The following NOTCH1 variants were observed in gnomAD, a reference collection of about 807,000 sequenced individuals.
NOTCH1 encodes notch receptor 1, also known as neurogenic locus notch homolog protein 1.
NOTCH1 carries 37 observed loss-of-function variants against 254.8 expected under a neutral mutation model. The observed-to-expected ratio is 0.15, with a 90% CI of 0.11 to 0.19. The LOEUF (loss-of-function observed/expected upper bound fraction) is 0.19, where lower values mean the gene tolerates loss of function less well. NOTCH1 is among the 10% of genes least tolerant of loss of function. NOTCH1 has a pLI of 1.00. For synonymous variants in NOTCH1, 1,731 were observed against 1,618.1 expected, an observed-to-expected ratio of 1.07 and a Z score of -1.68; for missense variants, 2,972 against 3,708.6, an observed-to-expected ratio of 0.80 and a Z score of 5.16.
At chr9:136,526,111 C>T (rs371491399) in intron 2 of NOTCH1, among the ~76,000 whole-genome samples, 3 of 152,350 alleles carry the variant, frequency 2.0e-5, no homozygotes, top group East Asian at 3.9e-4. Context: ...GGGGCTGCAG[C>T]GACAGACCTG....
chr9:136,522,215 G>C (rs1391955110), intron 4 of NOTCH1, among the ~76,000 whole-genome samples: 3 of 152,188 alleles, frequency 2.0e-5, no homozygotes, highest in African/African-American at 7.2e-5. Flanking sequence ...CTGACCTTGT[G>C]ATCTGCCCAC....
intron 9 of NOTCH1, 72 bp downstream of exon 9, chr9:136,517,200 C>A: frequency 1.0e-6 from 1 of 984,980 alleles, no homozygotes. Flanking sequence ...GGGGACACAA[C>A]CCACGCCCAG....
intron 2 of NOTCH1, among the ~76,000 whole-genome samples, chr9:136,539,308 G>A (rs188720264): frequency 2.0e-5 from 3 of 152,222 alleles, no homozygotes; most frequent in South Asian, 2.1e-4. Flanking sequence ...CCCAGTCTCC[G>A]CCCCAGGCCT....
Position 136,505,441 on chromosome 9 carries a change from G to T in NOTCH1, c.4455C>A (p.Asp1485Glu). The change falls in exon 25 of 34, where the codon GAC becomes GAA. Residue 1485 changes from aspartate to glutamate, a missense_variant. By Grantham distance (45) the Asp-to-Glu change is conservative. Around this residue, in one of 8 missense-constraint regions of NOTCH1, gnomAD observed 1,343 missense variants for 1,557.0 expected, o/e 0.86. Transcript: ENST00000651671. ...GAGACTGCGTGCAGTTCTTCCAGGGGTCATTGAAGTTGAGGGAGCAGTCAC... is the reference window on the plus strand; with the variant it reads ...GAGACTGCGTGCAGTTCTTCCAGGGTTCATTGAAGTTGAGGGAGCAGTCAC... ...DGGDCSLNFN[D>E]PWKNCTQSLQ... 6.2e-7 allele frequency: 1 copy of T among 1,612,890 alleles called. No individual in the cohort carries two copies. The highest frequency in any genetic ancestry group is 8.5e-7 in the Non-Finnish European group (1 of 1,180,014).
rs117232001 is a variant in NOTCH1, at chr9:136,507,075, C to G, written c.3644-102G>C. The G allele has an allele frequency of 7.5e-4, 1,139 of 1,524,834 alleles. 2 individuals are homozygous for G. Among genetic ancestry groups the G allele is most frequent in the Non-Finnish European group, 7.5e-4 (838 of 1,124,508 alleles). The allele number at this position is 1,524,834 out of a possible 1,614,324, so 94.5% of individuals were successfully genotyped here. On this transcript the variant is annotated intron_variant, in intron 22 of 33. Transcript: ENST00000651671. ...ACGAGCGCTCAGGTCTGGGGCTGCACGGACACTCGGGAGAGGCAGGTGTCA... is the reference window on the plus strand; with the variant it reads ...ACGAGCGCTCAGGTCTGGGGCTGCAGGGACACTCGGGAGAGGCAGGTGTCA...
At position 136,497,444 on chromosome 9, in the gene NOTCH1, C is replaced by T. The variant is rs766745955; in HGVS notation, c.6295G>A (p.Asp2099Asn). ...TGATGCATGCGCTCCTGTGCGATGTCGCGCGGCAGGCGGTCCATATGATCC... is the reference window on the plus strand; with the variant it reads ...TGATGCATGCGCTCCTGTGCGATGTTGCGCGGCAGGCGGTCCATATGATCC... Reference protein sequence around the residue: ...ITDHMDRLPRDIAQERMHHDI... With the variant: ...ITDHMDRLPRNIAQERMHHDI... The change falls in exon 34 of 34, where the codon GAC becomes AAC. Residue 2099 changes from aspartate (D) to asparagine (N), a missense_variant. Asp to Asn is a conservative substitution (Grantham distance 23). Transcript: ENST00000651671. 3.0e-5 allele frequency: 48 copies of T among 1,612,226 alleles called. No individual in the cohort carries two copies. Among genetic ancestry groups the T allele is most frequent in the Admixed American group, 1.5e-4 (9 of 59,998 alleles).
chr9:136,505,103 G>T lies in NOTCH1; in HGVS notation c.4588C>A (p.Pro1530Thr). ...DCQRAEGQCN[P>T]LYDQYCKDHF... ...TCCTTGCAGTACTGGTCGTACAGGG[G>T]GCTGTGGGGGGCGGGACACGCTCAG... is the stretch of plus-strand genomic sequence containing the variant. Residue 1530 changes from proline (P) to threonine (T), a missense_variant and splice_region_variant, in exon 26 of 34, where the codon CCC becomes ACC. Physicochemically the swap from Pro to Thr is conservative, Grantham distance 38. Coordinates refer to ENST00000651671, the MANE Select transcript of NOTCH1 (RefSeq NM_017617.5). 6.2e-7 allele frequency: 1 copy of T among 1,607,938 alleles called. No individual in the cohort carries two copies.
At chr9:136,525,501 C>T (rs1332885391) in intron 2 of NOTCH1, among the ~76,000 whole-genome samples, 1 of 152,240 alleles carries the variant, frequency 6.6e-6, no homozygotes, top group African/African-American at 2.4e-5. Flanking sequence ...AAGGCAGCAG[C>T]CTCACGGCTC....
intron 2 of NOTCH1, among the ~76,000 whole-genome samples, chr9:136,526,499 C>T (rs1424975607): frequency 2.0e-5 from 3 of 152,190 alleles, no homozygotes; most frequent in Non-Finnish European, 4.4e-5. Context: ...GAAAAGCTCA[C>T]CTGCTGGGCA....
intron 4 of NOTCH1, chr9:136,522,574 G>A (rs1421737316): frequency 1.0e-5 from 5 of 486,218 alleles, no homozygotes; most frequent in East Asian, 6.8e-5. Context: ...GCACTGGGGG[G>A]AGGCAGGGCG....
rs906472724 is a variant in NOTCH1, at chr9:136,524,977, T to C, written c.141-998A>G. ...GGGACACCTCAGGCTGAGACTGCAA[T>C]GGGGATGGGACATCTCATGTCAAGA... On this transcript the variant is annotated intron_variant, in intron 2 of 33. Coordinates refer to ENST00000651671, the MANE Select transcript of NOTCH1 (RefSeq NM_017617.5). Among the ~76,000 whole-genome samples, 12 of 152,264 alleles carry C rather than the reference T, an allele frequency of 7.9e-5. No individual in the cohort carries two copies. The East Asian group carries it at 2.3e-3, about 29-fold the overall frequency.
At chr9:136,533,745 GC>G (rs1291263615) in intron 2 of NOTCH1, among the ~76,000 whole-genome samples, 2 of 152,258 alleles carry the variant, frequency 1.3e-5, no homozygotes, top group Admixed American at 6.5e-5. Flanking sequence ...GTGACCATGG[GC>G]CTACAGCAGG....
At chr9:136,533,286 C>T (rs1210042842) in intron 2 of NOTCH1, among the ~76,000 whole-genome samples, 2 of 145,020 alleles carry the variant, frequency 1.4e-5, no homozygotes, top group African/African-American at 5.2e-5. Flanking sequence ...CAGCCCCCTC[C>T]GCGCACCAGC....
chr9:136,534,434 G>C (rs889685888), intron 2 of NOTCH1, among the ~76,000 whole-genome samples: 10 of 152,266 alleles, frequency 6.6e-5, no homozygotes, highest in Admixed American at 6.5e-4. Context: ...AGGTCGGGGC[G>C]TGTCACCAAC....
chr9:136,515,169 C>T (rs749558648), intron 12 of NOTCH1, 121 bp downstream of exon 12: 81 of 877,330 alleles, frequency 9.2e-5, no homozygotes, highest in African/African-American at 7.3e-4. Context: ...CTGCAGACCA[C>T]GGTCTGCCCA....
Position 136,517,741 on chromosome 9 carries a change from G to A in NOTCH1, c.1441+11C>T, listed in dbSNP as rs376506127. 9.1e-5 allele frequency: 146 copies of A among 1,612,272 alleles called. No individual in the cohort carries two copies. In the Admixed American group the frequency reaches 2.0e-3, roughly 22 times the overall value. On this transcript the variant is annotated intron_variant, in intron 8 of 33. Coordinates refer to ENST00000651671, the MANE Select transcript of NOTCH1 (RefSeq NM_017617.5). ...CGACTCGGTTTCCCGCCCTGGCCCC[G>A]GCCGACGCACCGGGCATGCAGATGC...
In NOTCH1 at chr9:136,497,002, T is replaced by C. The variant is rs768891798; in HGVS notation, c.6737A>G (p.His2246Arg). 2 of 1,610,064 alleles carry C rather than the reference T, an allele frequency of 1.2e-6. No individual in the cohort carries two copies. The highest frequency in any genetic ancestry group is 1.7e-6 in the Non-Finnish European group (2 of 1,178,768). ...CTCGGGCTTGGCCGCCACGTTCAGG[T>C]GCCCGATGCCCAGGTGGGTGTCGGG... Reference protein sequence around the residue: ...GMPDTHLGIGHLNVAAKPEMA... With the variant: ...GMPDTHLGIGRLNVAAKPEMA... Residue 2246 changes from histidine to arginine, a missense_variant, in exon 34 of 34, where the codon CAC (histidine) becomes CGC (arginine). Physicochemically the swap from His to Arg is conservative, Grantham distance 29 (BLOSUM62 0). This residue lies in a region of NOTCH1 where 529 missense variants were observed against 529.2 expected (regional missense o/e 1.00). Coordinates refer to ENST00000651671, the MANE Select transcript of NOTCH1 (RefSeq NM_017617.5).
intron 4 of NOTCH1, among the ~76,000 whole-genome samples, chr9:136,519,909 G>A (rs936694872): frequency 2.0e-5 from 3 of 152,220 alleles, no homozygotes; most frequent in Non-Finnish European, 4.4e-5. Context: ...CCACAGGGGG[G>A]CCGCACACCC....
chr9:136,501,265 C>T (rs1182285887), intron 30 of NOTCH1, among the ~76,000 whole-genome samples: 3 of 151,908 alleles, frequency 2.0e-5, no homozygotes, highest in Non-Finnish European at 4.4e-5. Flanking sequence ...GAAACCCCAT[C>T]GCTGCTAAAA....
Sources: gnomAD v4.1 joint callset for allele counts (sites outside exome capture counted in the v4.1 genomes callset) on GRCh38, gnomAD v4.1.1 for gene constraint, gnomAD v4.1.1 regional missense constraint, MANE v1.5 for transcripts, NCBI Gene and HGNC (gene_info 2026-07-23, HGNC 2026-07-21) for gene names.